XKRX: variants seen among roughly 807,000 people sequenced by gnomAD.
The protein encoded by XKRX is XK-related protein 2.
Under a neutral mutation model 22.4 loss-of-function variants are expected in XKRX, and 11 were observed. That is an observed-to-expected ratio of 0.49 (90% CI 0.31 to 0.81). XKRX has a LOEUF of 0.81. Among genes scored for constraint, XKRX ranks in the 40% least tolerant of loss-of-function variants. The pLI is 0.05. For missense variants in XKRX, 320 were observed against 336.5 expected (o/e 0.95, Z 0.38); for synonymous variants, 114 against 132.2 (o/e 0.86, Z 0.94).
At chrX:100,893,512 CAT>C in the XKRX span, among the ~76,000 whole-genome samples, 2 of 112,156 alleles carry the variant, frequency 1.8e-5, no homozygotes, top group South Asian at 7.4e-4. Context: ...CACCTGCACA[CAT>C]ATGTTTGTCA....
chrX:100,911,367 T>C, downstream of XKRX: 1 of 810,998 alleles, frequency 1.2e-6, no homozygotes, highest in Non-Finnish European at 1.9e-6. Context: ...GGTACTGTCA[T>C]TGAGGTAAAT....
chrX:100,913,258 A>C (rs770864330), downstream of XKRX, among the ~76,000 whole-genome samples: 9 of 109,980 alleles, frequency 8.2e-5, no homozygotes, highest in Non-Finnish European at 1.3e-4. Context: ...ATGATGATTT[A>C]ATGTGATCTT....
chrX:100,905,615 C>G, the XKRX span, among the ~76,000 whole-genome samples: 1 of 111,902 alleles, frequency 8.9e-6, no homozygotes, highest in African/African-American at 3.2e-5. Context: ...CTCTACCCCC[C>G]CATATTGTTG....
chrX:100,937,067 C>G, the XKRX span, among the ~76,000 whole-genome samples: 1 of 108,120 alleles, frequency 9.2e-6, no homozygotes, highest in East Asian at 2.9e-4. Context: ...TCTCTGCTCA[C>G]CGCAGCCTCT....
the XKRX span, among the ~76,000 whole-genome samples, chrX:100,939,384 T>C: frequency 2.7e-5 from 3 of 112,133 alleles, no homozygotes; most frequent in African/African-American, 9.7e-5. Flanking sequence ...AGAAAGAAGA[T>C]TTTGAGGCAA....
chrX:100,936,793 T>A, the XKRX span, among the ~76,000 whole-genome samples: 1 of 108,218 alleles, frequency 9.2e-6, no homozygotes, highest in Non-Finnish European at 1.9e-5. Context: ...GTGCCACACT[T>A]TAAAACCATC....
the XKRX span, among the ~76,000 whole-genome samples, chrX:100,952,884 G>C: frequency 2.7e-5 from 3 of 112,550 alleles, no homozygotes; most frequent in East Asian, 5.6e-4. Flanking sequence ...TCTTTATTTT[G>C]ATGGTGGTTA....
chrX:100,920,381 C>T (rs950171196), intron 2 of XKRX, among the ~76,000 whole-genome samples: 4 of 110,153 alleles, frequency 3.6e-5, no homozygotes, highest in Non-Finnish European at 3.8e-5. Flanking sequence ...CATTTTGGGG[C>T]AAAAACATGT....
At chrX:100,891,520 C>A in the XKRX span, among the ~76,000 whole-genome samples, 1 of 109,434 alleles carries the variant, frequency 9.1e-6, no homozygotes, top group Non-Finnish European at 1.9e-5. Context: ...GAATAAGAGT[C>A]CAGAAATAAA....
At chrX:100,903,621 AGT>A in the XKRX span, among the ~76,000 whole-genome samples, 3 of 112,013 alleles carry the variant, frequency 2.7e-5, no homozygotes, top group East Asian at 2.8e-4. Context: ...TGGTATTATC[AGT>A]GTTTTGGATT....
the XKRX span, among the ~76,000 whole-genome samples, chrX:100,945,830 A>AAG: frequency 1.9e-5 from 2 of 105,782 alleles, no homozygotes; most frequent in African/African-American, 3.5e-5. Flanking sequence ...AAAAAAAAAA[A>AAG]AGAGATACAA....
the XKRX span, among the ~76,000 whole-genome samples, chrX:100,948,097 G>C: frequency 2.1e-4 from 2 of 9,373 alleles, no homozygotes; most frequent in African/African-American, 8.0e-4. Flanking sequence ...TGGAGGGACA[G>C]GTTTCACCAT....
chrX:100,920,470 G>A (rs1282129594), intron 2 of XKRX, among the ~76,000 whole-genome samples: 2 of 110,631 alleles, frequency 1.8e-5, no homozygotes, highest in Non-Finnish European at 3.8e-5. Context: ...GATTAACAGA[G>A]GTTATCTTTG....
At chrX:100,930,697 A>G (rs2147945732), upstream of XKRX, among the ~76,000 whole-genome samples, 1 of 111,078 alleles carries the variant, frequency 9.0e-6, no homozygotes, top group East Asian at 2.8e-4. Flanking sequence ...GGACATTCCA[A>G]CTGGGACAAG....
downstream of XKRX, chrX:100,910,830 A>G: frequency 1.3e-6 from 1 of 776,305 alleles, no homozygotes; most frequent in South Asian, 2.1e-5. Context: ...GAAGGCAAAG[A>G]AAATGATGGT....
chrX:100,928,530 G>T lies in XKRX; in HGVS notation c.-226C>A. On this transcript the variant is annotated 5_prime_UTR_variant, in exon 1 of 3. The change creates a premature stop within an existing upstream ORF in the 5' untranslated region. Coordinates refer to ENST00000372956, the MANE Select transcript of XKRX (RefSeq NM_212559.3). The stretch of plus-strand genomic sequence containing the variant: ...AGCCCAGGAGTACCACTTTGAACTT[G>T]ACTCTTGATTGGCCCCGATTCCAAT... The T allele has an allele frequency of 9.7e-7, 1 of 1,027,357 alleles. No individual in the cohort carries two copies. The highest frequency in any genetic ancestry group is 3.6e-5 in the East Asian group (1 of 27,821). The allele number at this position is 1,027,357 out of a possible 1,213,427, so 84.7% of individuals were successfully genotyped here. A position where few individuals can be genotyped will look rare whatever the true frequency, so the allele number is the denominator to read the frequency against.
the XKRX span, among the ~76,000 whole-genome samples, chrX:100,942,521 G>A: frequency 8.9e-6 from 1 of 111,943 alleles, no homozygotes; most frequent in East Asian, 2.8e-4. Context: ...GTCAATCTGG[G>A]AGAGCAGGGG....
the XKRX span, among the ~76,000 whole-genome samples, chrX:100,901,025 C>T: frequency 3.6e-5 from 4 of 110,468 alleles, no homozygotes; most frequent in African/African-American, 9.9e-5. Flanking sequence ...CTCCTGACCT[C>T]GTGATCTGCC....
intron 1 of XKRX, among the ~76,000 whole-genome samples, chrX:100,925,853 T>A (rs2085495621): frequency 8.9e-6 from 1 of 112,084 alleles, no homozygotes; most frequent in African/African-American, 3.2e-5. Flanking sequence ...TATGGTTTGG[T>A]CCATCCTGTG....
Sources: allele counts gnomAD v4.1 joint callset (sites outside exome capture counted in the v4.1 genomes callset), GRCh38; gene constraint gnomAD v4.1.1; transcripts MANE v1.5; gene names NCBI Gene and HGNC (gene_info 2026-07-23, HGNC 2026-07-21).